Variants in OSBPL3 observed in about 807,000 individuals in gnomAD.
The protein encoded by OSBPL3 is oxysterol-binding protein-related protein 3.
Under a neutral mutation model 120.1 loss-of-function variants are expected in OSBPL3, and 65 were observed. That is an observed-to-expected ratio of 0.54 (90% confidence interval 0.44 to 0.67). The LOEUF (loss-of-function observed/expected upper bound fraction) is 0.67, where lower values mean the gene tolerates loss of function less well. OSBPL3 is among the 30% of genes least tolerant of loss of function. OSBPL3 has a pLI of 0.00. For missense variants in OSBPL3, 1,004 were observed against 1,082.1 expected (o/e 0.93, Z 1.01); for synonymous variants, 416 against 402.6 (o/e 1.03, Z -0.40).
chr7:24,856,690 G>A (rs1231718923), intron 10 of OSBPL3, among the ~76,000 whole-genome samples: 1 of 152,122 alleles, frequency 6.6e-6, no homozygotes, highest in Non-Finnish European at 1.5e-5. Flanking sequence ...GCACATCTGA[G>A]GAGCGCTTTA....
chr7:24,907,092 T>C (rs755147857), intron 1 of OSBPL3, among the ~76,000 whole-genome samples: 1 of 149,898 alleles, frequency 6.7e-6, no homozygotes, highest in Non-Finnish European at 1.5e-5. Flanking sequence ...TCCCTGACAC[T>C]GACCTCATCA....
chr7:24,847,842 G>A (rs997475019), intron 12 of OSBPL3, among the ~76,000 whole-genome samples: 1 of 152,242 alleles, frequency 6.6e-6, no homozygotes, highest in Non-Finnish European at 1.5e-5. Flanking sequence ...GGCCTGCCCA[G>A]GCCTAAGGTC....
At chr7:24,868,230 T>C (rs1305271641) in intron 5 of OSBPL3, among the ~76,000 whole-genome samples, 1 of 150,798 alleles carries the variant, frequency 6.6e-6, no homozygotes, top group African/African-American at 2.4e-5. Flanking sequence ...GGCAGGAGAA[T>C]CGCTTGAACC....
rs189359239 is a variant in OSBPL3, at chr7:24,950,049, A to G, written c.-150+29837T>C. On this transcript the variant is annotated intron_variant, in intron 1 of 22. Transcript: ENST00000313367. ...TTGCAATCCATTGTTTTCCCCACAG[A>G]AATGCTATTATAAATGATTAGATTC... 5.2e-4 allele frequency among the ~76,000 whole-genome samples: 79 copies of G among 152,362 alleles called. 1 individual carries two copies. In the South Asian group the frequency reaches 0.012, roughly 23 times the overall value.
In OSBPL3 at chr7:24,806,666, T is replaced by G. The variant is rs1427724915; in HGVS notation, c.2444+110A>C. ...AGCATCCCCACCTCTCAATTCCTGA[T>G]GACATTTTCCACCTTTCTCAGGTGC... On this transcript the variant is annotated intron_variant, in intron 21 of 22. Coordinates refer to ENST00000313367, the MANE Select transcript of OSBPL3 (RefSeq NM_015550.4). This position sits in a 1 kb window ranked among gnomAD's most constrained non-coding sequence, Gnocchi z 5.2. 1 of 965,826 alleles carries G rather than the reference T, an allele frequency of 1.0e-6. No individual in the cohort carries two copies. Among genetic ancestry groups the G allele is most frequent in the Non-Finnish European group, 1.5e-6 (1 of 649,386 alleles). 59.8% of individuals were successfully genotyped at this position (965,826 alleles called of 1,614,324 possible). A position where few individuals can be genotyped will look rare whatever the true frequency, so the allele number is the denominator to read the frequency against.
chr7:24,926,593 T>C (rs1039455890), intron 1 of OSBPL3, among the ~76,000 whole-genome samples: 1 of 152,154 alleles, frequency 6.6e-6, no homozygotes, highest in Non-Finnish European at 1.5e-5. Flanking sequence ...TCCACACCTT[T>C]GTAGCAGCCA....
intron 16 of OSBPL3, among the ~76,000 whole-genome samples, chr7:24,826,415 T>C (rs748759949): frequency 2.6e-5 from 4 of 152,260 alleles, no homozygotes; most frequent in African/African-American, 7.2e-5. Context: ...CAAAGTCCTA[T>C]GTGAGTCTGG....
At position 24,805,501 on chromosome 7, in the gene OSBPL3, T is replaced by A. The variant is rs1404749465; in HGVS notation, c.2445-1064A>T. 2.6e-5 allele frequency among the ~76,000 whole-genome samples: 4 copies of A among 152,222 alleles called. No individual in the cohort carries two copies. Among genetic ancestry groups the A allele is most frequent in the African/African-American group, 9.6e-5 (4 of 41,464 alleles). ...CATTCTTTAAACACCACATACGTTA[T>A]TAATATATACTGTATATTTCCAATT... On this transcript the variant is annotated intron_variant, in intron 21 of 22. Coordinates refer to ENST00000313367, the MANE Select transcript of OSBPL3 (RefSeq NM_015550.4). The surrounding 1 kb of genome is among the most constrained non-coding windows in gnomAD (Gnocchi z 4.0).
In OSBPL3 at chr7:24,955,863, T is replaced by C. The variant is rs1814987672; in HGVS notation, c.-150+24023A>G. 1.3e-5 allele frequency among the ~76,000 whole-genome samples: 2 copies of C among 152,244 alleles called. No individual in the cohort carries two copies. The highest frequency in any genetic ancestry group is 1.9e-4 in the East Asian group (1 of 5,202). On this transcript the variant is annotated intron_variant, in intron 1 of 22. Transcript: ENST00000313367. This position sits in a 1 kb window ranked among gnomAD's most constrained non-coding sequence, Gnocchi z 4.3. ...AATGTTTTTTAAAAACATACAATCA[T>C]TGAGCTTCTTCAGCACAGCCACTGC... is the stretch of plus-strand genomic sequence containing the variant.
chr7:24,885,939 G>T (rs1025608385), intron 2 of OSBPL3, among the ~76,000 whole-genome samples: 1 of 152,192 alleles, frequency 6.6e-6, no homozygotes, highest in Non-Finnish European at 1.5e-5. Context: ...GGAAGGAAAT[G>T]TAAGGGGGCA....
At chr7:24,917,784 T>C (rs1809892036) in intron 1 of OSBPL3, among the ~76,000 whole-genome samples, 1 of 152,106 alleles carries the variant, frequency 6.6e-6, no homozygotes. Flanking sequence ...GTCCTGCTCT[T>C]AAACATTCAC....
In OSBPL3 at chr7:24,967,084, C is replaced by T. The variant is rs758465181; in HGVS notation, c.-150+12802G>A. Among the ~76,000 whole-genome samples, 4 of 152,218 alleles carry T rather than the reference C, an allele frequency of 2.6e-5. No individual in the cohort carries two copies. The highest frequency in any genetic ancestry group is 5.9e-5 in the Non-Finnish European group (4 of 68,040). ...TGCAGACACTCTAAATCTGTATTCA[C>T]AGGTCATCTACATTATCTCAAATTT... On this transcript the variant is annotated intron_variant, in intron 1 of 22. Transcript: ENST00000313367. This position sits in a 1 kb window ranked among gnomAD's most constrained non-coding sequence, Gnocchi z 5.6.
intron 2 of OSBPL3, among the ~76,000 whole-genome samples, chr7:24,888,578 C>G (rs1040527400): frequency 6.6e-6 from 1 of 152,130 alleles, no homozygotes; most frequent in Non-Finnish European, 1.5e-5. Flanking sequence ...ATGATAGAAC[C>G]CTCCTCCTAG....
chr7:24,826,266 G>A (rs1199527049), intron 16 of OSBPL3, among the ~76,000 whole-genome samples: 1 of 152,138 alleles, frequency 6.6e-6, no homozygotes, highest in Non-Finnish European at 1.5e-5. Context: ...GGTTGAAACC[G>A]ATTTTTTGGC....
Position 24,940,384 on chromosome 7 carries a change from G to A in OSBPL3, c.-150+39502C>T, listed in dbSNP as rs1414141761. 6.6e-6 allele frequency among the ~76,000 whole-genome samples: 1 copy of A among 152,134 alleles called. No homozygotes were observed. Among genetic ancestry groups the A allele is most frequent in the African/African-American group, 2.4e-5 (1 of 41,422 alleles). ...GTAGAAATTACTGGTACCAATGACA[G>A]ATCATCAAAAGGGTTGACTATATAG... is the stretch of plus-strand genomic sequence containing the variant. On this transcript the variant is annotated intron_variant, in intron 1 of 22. Coordinates refer to ENST00000313367, the MANE Select transcript of OSBPL3 (RefSeq NM_015550.4). The surrounding 1 kb of genome is among the most constrained non-coding windows in gnomAD (Gnocchi z 4.4).
intron 1 of OSBPL3, among the ~76,000 whole-genome samples, chr7:24,924,199 G>A (rs73276208): frequency 0.012 from 1,761 of 152,212 alleles, 36 homozygotes; most frequent in African/African-American, 0.04. Flanking sequence ...TTATGGTTAA[G>A]AGAAAAATGC....
Position 24,813,435 on chromosome 7 carries a change from C to T in OSBPL3, c.2172+1624G>A, listed in dbSNP as rs963367788. ...TATGGGAGTGGAGCATGTTTCCTTG[C>T]AGAAAATGTTGAGAGCAACGTGGCT... On this transcript the variant is annotated intron_variant, in intron 19 of 22. Transcript: ENST00000313367. The surrounding 1 kb of genome is among the most constrained non-coding windows in gnomAD (Gnocchi z 4.5). Among the ~76,000 whole-genome samples, 2 of 152,196 alleles carry T rather than the reference C, an allele frequency of 1.3e-5. No individual in the cohort carries two copies. The highest frequency in any genetic ancestry group is 2.9e-5 in the Non-Finnish European group (2 of 68,034).
Position 24,881,092 on chromosome 7 carries a change from T to C in OSBPL3, c.97-9023A>G, listed in dbSNP as rs1323661097. ...ACCAGCTGAGAACAGTGCTCTCTCT[T>C]ACAGAGTGCTCAAAACTATTTTTTC... is the stretch of plus-strand genomic sequence containing the variant. On this transcript the variant is annotated intron_variant, in intron 2 of 22. Coordinates refer to ENST00000313367, the MANE Select transcript of OSBPL3 (RefSeq NM_015550.4). The surrounding 1 kb of genome is among the most constrained non-coding windows in gnomAD (Gnocchi z 4.3). Among the ~76,000 whole-genome samples the C allele has an allele frequency of 6.6e-6, 1 of 152,212 alleles. No homozygotes were observed. Among genetic ancestry groups the C allele is most frequent in the Non-Finnish European group, 1.5e-5 (1 of 68,042 alleles).
intron 1 of OSBPL3, among the ~76,000 whole-genome samples, chr7:24,969,044 C>T (rs1816710459): frequency 6.6e-6 from 1 of 152,202 alleles, no homozygotes; most frequent in Non-Finnish European, 1.5e-5. Context: ...TCAAAGAGTG[C>T]ATGCATTTCC....
Sources: allele counts gnomAD v4.1 joint callset (sites outside exome capture counted in the v4.1 genomes callset), GRCh38; gene constraint gnomAD v4.1.1; non-coding constraint Gnocchi (gnomAD v3.1); transcripts MANE v1.5; gene names NCBI Gene and HGNC (gene_info 2026-07-23, HGNC 2026-07-21).